Variants in CREB5 observed in about 807,000 individuals in gnomAD.
CREB5 encodes the protein cAMP responsive element binding protein 5.
In CREB5, 19 loss-of-function variants were observed where a neutral mutation model predicts 57.1. That is an observed-to-expected ratio of 0.33 (90% CI 0.23 to 0.49). The LOEUF is 0.49. Among genes scored for constraint, CREB5 ranks in the 20% least tolerant of loss-of-function variants. CREB5 has a pLI of 0.99. For missense variants in CREB5, 579 were observed against 671.6 expected, an observed-to-expected ratio of 0.86 and a Z score of 1.52; for synonymous variants, 238 against 238.3, an observed-to-expected ratio of 1.00 and a Z score of 0.01.
chr7:28,705,778 G>C (rs971492467), intron 5 of CREB5, among the ~76,000 whole-genome samples: 3 of 152,222 alleles, frequency 2.0e-5, no homozygotes, highest in African/African-American at 7.2e-5. Flanking sequence ...GGCCACCAGG[G>C]AAGAGAAAAG....
chr7:28,743,407 C>A (rs559712616), intron 7 of CREB5, among the ~76,000 whole-genome samples: 5 of 152,038 alleles, frequency 3.3e-5, no homozygotes, highest in Admixed American at 6.6e-5. Flanking sequence ...GTGGTGTGCA[C>A]CTGTAGTCCC....
intron 4 of CREB5, among the ~76,000 whole-genome samples, chr7:28,563,156 C>G (rs1037342389): frequency 6.6e-6 from 1 of 152,104 alleles, no homozygotes; most frequent in Non-Finnish European, 1.5e-5. Flanking sequence ...TCAGTGTTAG[C>G]CATTATTAAT....
intron 5 of CREB5, among the ~76,000 whole-genome samples, chr7:28,710,112 C>G (rs1165789821): frequency 1.3e-5 from 2 of 152,064 alleles, no homozygotes; most frequent in African/African-American, 4.8e-5. Flanking sequence ...ACAAGTGGGT[C>G]TAGAACTCAT....
At chr7:28,360,773 G>T (rs184880758) in intron 1 of CREB5, among the ~76,000 whole-genome samples, 1 of 152,124 alleles carries the variant, frequency 6.6e-6, no homozygotes, top group Non-Finnish European at 1.5e-5. Context: ...CTTATAAAAC[G>T]TGTAGTCTGT....
rs536418073 is a variant in CREB5 at position 28,817,820 on chromosome 7, GGT to G, written c.1255-247_1255-246del. On this transcript the variant is annotated intron_variant, in intron 9 of 10. Transcript: ENST00000357727. ...CTGGCTTCGGTTCCCATCACCTAAG[GGT>G]GTGGTCTAGCCTTTTAATAAGGTTC... is the stretch of plus-strand genomic sequence containing the variant. Among the ~76,000 whole-genome samples, 336 of 152,254 alleles carry G rather than the reference GGT, an allele frequency of 2.2e-3. 2 individuals carry two copies. The highest frequency in any genetic ancestry group is 3.4e-3 in the Non-Finnish European group (228 of 68,014).
At chr7:28,795,666 GA>G (rs925104441) in intron 7 of CREB5, among the ~76,000 whole-genome samples, 1 of 151,994 alleles carries the variant, frequency 6.6e-6, no homozygotes, top group African/African-American at 2.4e-5. Context: ...GCTGTCAGAA[GA>G]AAAGACATTC....
chr7:28,718,734 G>GT lies in CREB5; in HGVS notation c.465-12dup, dbSNP rs771669384. The GT allele has an allele frequency of 1.7e-4, 267 of 1,612,624 alleles. 1 individual carries two copies. The highest frequency in any genetic ancestry group is 2.1e-4 in the Non-Finnish European group (244 of 1,179,722). On this transcript the variant is annotated intron_variant, in intron 5 of 10. Coordinates refer to ENST00000357727, the MANE Select transcript of CREB5 (RefSeq NM_182898.4). ...AGGGCACCAGGAATCATGTTTGTTT[G>GT]TTTTTTTCTTTGTCCCAGGCCTGTC...
intron 1 of CREB5, among the ~76,000 whole-genome samples, chr7:28,370,020 G>T (rs920733684): frequency 3.3e-5 from 5 of 151,980 alleles, no homozygotes; most frequent in African/African-American, 1.2e-4. Flanking sequence ...TCTGTTAGTT[G>T]TACTTATCTG....
At chr7:28,589,767 G>A (rs979448671) in intron 5 of CREB5, among the ~76,000 whole-genome samples, 2 of 144,068 alleles carry the variant, frequency 1.4e-5, no homozygotes, top group African/African-American at 5.3e-5. Context: ...GTATATTTAG[G>A]TAGTGAGTAT....
chr7:28,563,939 G>A (rs1347828043), intron 4 of CREB5, among the ~76,000 whole-genome samples: 1 of 152,118 alleles, frequency 6.6e-6, no homozygotes, highest in African/African-American at 2.4e-5. Context: ...TTGGTCATGG[G>A]GCAGCCTGTC....
At chr7:28,617,031 CAG>C (rs1293107138) in intron 5 of CREB5, among the ~76,000 whole-genome samples, 1 of 152,140 alleles carries the variant, frequency 6.6e-6, no homozygotes, top group East Asian at 1.9e-4. Flanking sequence ...CTGAAATTCA[CAG>C]AGTTGAGGAA....
upstream of CREB5, among the ~76,000 whole-genome samples, chr7:28,408,373 C>A (rs1219556222): frequency 1.3e-5 from 2 of 152,188 alleles, no homozygotes. Flanking sequence ...CTCTTTGAAT[C>A]CTACTCAAAG....
intron 5 of CREB5, among the ~76,000 whole-genome samples, chr7:28,693,754 G>A (rs375365219): frequency 1.3e-4 from 20 of 152,314 alleles, no homozygotes; most frequent in East Asian, 7.7e-4. Flanking sequence ...GAATTCATAA[G>A]AGCATAATAC....
At chr7:28,307,076 C>T (rs967372385) in intron 1 of CREB5, among the ~76,000 whole-genome samples, 1 of 152,152 alleles carries the variant, frequency 6.6e-6, no homozygotes, top group Non-Finnish European at 1.5e-5. Context: ...AACAGTGTTT[C>T]ATGAAATGTT....
At chr7:28,703,933 G>A (rs147076688) in intron 5 of CREB5, among the ~76,000 whole-genome samples, 1 of 152,308 alleles carries the variant, frequency 6.6e-6, no homozygotes, top group Non-Finnish European at 1.5e-5. Flanking sequence ...ATCATCCATA[G>A]GACTCAACCT....
intron 1 of CREB5, among the ~76,000 whole-genome samples, chr7:28,349,902 G>C (rs951004487): frequency 2.5e-4 from 38 of 152,298 alleles, no homozygotes; most frequent in African/African-American, 8.9e-4. Flanking sequence ...GTAGCTCTGT[G>C]GAAAAGGTGA....
intron 3 of CREB5, among the ~76,000 whole-genome samples, chr7:28,506,238 A>G (rs1203056117): frequency 6.6e-6 from 1 of 152,240 alleles, no homozygotes. Context: ...CAGACAATTT[A>G]CTGATTTACT....
chr7:28,643,755 G>GGC (rs1554279442), intron 5 of CREB5, among the ~76,000 whole-genome samples: 8 of 104,594 alleles, frequency 7.6e-5, no homozygotes, highest in Admixed American at 3.0e-4. Flanking sequence ...GGGAGGTGGG[G>GGC]GGGGGCGGAA....
At chr7:28,744,626 G>C (rs111354229) in intron 7 of CREB5, among the ~76,000 whole-genome samples, 18,063 of 152,004 alleles carry the variant, frequency 0.12, 1,212 homozygotes, top group Middle Eastern at 0.16. Flanking sequence ...GGGATTACAG[G>C]CATGAGCCAC....
Sources: gnomAD v4.1 joint callset for allele counts (sites outside exome capture counted in the v4.1 genomes callset) on GRCh38, gnomAD v4.1.1 for gene constraint, MANE v1.5 for transcripts, NCBI Gene and HGNC (gene_info 2026-07-23, HGNC 2026-07-21) for gene names.